Variants in SPATA1 observed in about 807,000 individuals in gnomAD.
SPATA1 encodes the protein spermatogenesis-associated protein 1.
Under a neutral mutation model 59.6 loss-of-function variants are expected in SPATA1, and 57 were observed. The ratio of observed to expected loss-of-function variants is 0.96; its 90% CI spans 0.77 to 1.19. The LOEUF (loss-of-function observed/expected upper bound fraction) is 1.19, where lower values mean the gene tolerates loss of function less well. SPATA1 is among the 50% of genes most tolerant of loss of function. The pLI, the probability that SPATA1 is intolerant of heterozygous loss-of-function variation, is 0.00. For missense variants in SPATA1, 448 were observed against 480.7 expected, an observed-to-expected ratio of 0.93 and a Z score of 0.64; for synonymous variants, 147 against 163.9, an observed-to-expected ratio of 0.90 and a Z score of 0.79.
chr1:84,539,592 T>A (rs1683835316), intron 8 of SPATA1, among the ~76,000 whole-genome samples: 1 of 152,346 alleles, frequency 6.6e-6, no homozygotes, highest in South Asian at 2.1e-4. Flanking sequence ...GACCCCATTT[T>A]GATAACCATT....
chr1:84,563,895 G>T, intron 4 of SPATA1: 1 of 1,518,486 alleles, frequency 6.6e-7, no homozygotes, highest in South Asian at 1.4e-5. Context: ...GTTCATACAA[G>T]CTATGCAACC....
chr1:84,555,121 A>T (rs564541760), downstream of SPATA1: 6 of 1,613,976 alleles, frequency 3.7e-6, 1 homozygote, highest in South Asian at 6.6e-5. Flanking sequence ...CGTAAGCGAT[A>T]GTTTTGTATA....
chr1:84,513,963 T>C (rs1682685383), intron 1 of SPATA1, among the ~76,000 whole-genome samples: 1 of 150,050 alleles, frequency 6.7e-6, no homozygotes, highest in Non-Finnish European at 1.5e-5. Context: ...TGCCTCACCC[T>C]CTTGAGTAGC....
chr1:84,531,521 C>G (rs1157215022), intron 6 of SPATA1, among the ~76,000 whole-genome samples: 1 of 151,098 alleles, frequency 6.6e-6, no homozygotes, highest in Non-Finnish European at 1.5e-5. Context: ...ATTGTAGCAG[C>G]CAAACAAAAA....
intron 9 of SPATA1, among the ~76,000 whole-genome samples, chr1:84,544,668 C>T (rs949385964): frequency 6.6e-6 from 1 of 151,990 alleles, no homozygotes; most frequent in Non-Finnish European, 1.5e-5. Context: ...TCAAGCGATT[C>T]TCCAGCCTCA....
chr1:84,562,356 C>G (rs924133477), intron 4 of SPATA1, among the ~76,000 whole-genome samples: 1 of 151,776 alleles, frequency 6.6e-6, no homozygotes, highest in Non-Finnish European at 1.5e-5. Context: ...TAGGTATATA[C>G]TTTCAGTTCC....
At chr1:84,510,497 GAT>G (rs1442831901) in intron 1 of SPATA1, among the ~76,000 whole-genome samples, 5 of 152,168 alleles carry the variant, frequency 3.3e-5, no homozygotes, top group Non-Finnish European at 7.4e-5. Context: ...TTATGCAAAA[GAT>G]AGACAATAAC....
At chr1:84,545,100 C>T (rs1053843339) in intron 9 of SPATA1, among the ~76,000 whole-genome samples, 3 of 150,804 alleles carry the variant, frequency 2.0e-5, no homozygotes, top group African/African-American at 7.3e-5. Flanking sequence ...GCCTATAGTC[C>T]TAGCTACTTA....
chr1:84,552,765 T>C (rs1244821216), intron 12 of SPATA1: 1 of 245,684 alleles, frequency 4.1e-6, no homozygotes, highest in East Asian at 7.4e-5. Flanking sequence ...TTTCTCACTC[T>C]AGTTTTTAGA....
At chr1:84,527,322 G>A (rs1290486408) in intron 6 of SPATA1, among the ~76,000 whole-genome samples, 2 of 152,006 alleles carry the variant, frequency 1.3e-5, no homozygotes, top group Non-Finnish European at 2.9e-5. Context: ...TTAGACTGTA[G>A]TCAGCTTTAT....
At chr1:84,546,065 G>A (rs1684075787) in intron 10 of SPATA1, among the ~76,000 whole-genome samples, 1 of 151,968 alleles carries the variant, frequency 6.6e-6, no homozygotes, top group Non-Finnish European at 1.5e-5. Context: ...CACTATTCTA[G>A]GGGCTTAGGA....
At chr1:84,515,240 A>T (rs11163991) in intron 1 of SPATA1, among the ~76,000 whole-genome samples, 19,775 of 152,138 alleles carry the variant, frequency 0.13, 2,186 homozygotes, top group African/African-American at 0.3. Context: ...TTCTTAAAGT[A>T]CTAATGTGTA....
chr1:84,534,071 T>C (rs1484160779), intron 8 of SPATA1, among the ~76,000 whole-genome samples: 1 of 152,084 alleles, frequency 6.6e-6, no homozygotes, highest in East Asian at 1.9e-4. Flanking sequence ...TGTAATTTAA[T>C]ATACTAATAC....
At chr1:84,529,156 T>C (rs1481455352) in intron 6 of SPATA1, among the ~76,000 whole-genome samples, 2 of 152,280 alleles carry the variant, frequency 1.3e-5, no homozygotes, top group South Asian at 2.1e-4. Context: ...AGGTTCAAAA[T>C]TGGATATCAT....
intron 6 of SPATA1, 94 bp from the exon 7 acceptor site, chr1:84,532,766 A>G (rs905464422): frequency 1.4e-6 from 1 of 724,418 alleles, no homozygotes; most frequent in African/African-American, 1.8e-5. Flanking sequence ...AATCTACGAT[A>G]AGATTATAGT....
At chr1:84,509,575 C>G (rs2101905243) in intron 1 of SPATA1, among the ~76,000 whole-genome samples, 1 of 151,816 alleles carries the variant, frequency 6.6e-6, no homozygotes, top group Admixed American at 6.5e-5. Flanking sequence ...GCCAGCCTGG[C>G]CAACATATAG....
intron 1 of SPATA1, among the ~76,000 whole-genome samples, chr1:84,513,712 C>G (rs1294390783): frequency 6.6e-6 from 1 of 152,188 alleles, no homozygotes; most frequent in Non-Finnish European, 1.5e-5. Context: ...CTTCTCACTA[C>G]CAGTTAACCT....
exon 5 of SPATA1, chr1:84,565,974 G>A (rs1684692596): frequency 6.3e-7 from 1 of 1,582,670 alleles, no homozygotes; most frequent in East Asian, 2.3e-5. Flanking sequence ...AGCATCTTCT[G>A]TCTATGTTCT....
At chr1:84,525,600 C>A in intron 4 of SPATA1, 96 bp from the exon 5 acceptor site, 1 of 940,080 alleles carries the variant, frequency 1.1e-6, no homozygotes, top group Non-Finnish European at 1.6e-6. Flanking sequence ...TTTATATTTG[C>A]CACAAATACA....
Sources: allele counts gnomAD v4.1 joint callset (sites outside exome capture counted in the v4.1 genomes callset), GRCh38; gene constraint gnomAD v4.1.1; transcripts MANE v1.5; gene names NCBI Gene and HGNC (gene_info 2026-07-23, HGNC 2026-07-21).